The following PDE1C variants were observed in gnomAD, a reference collection of about 807,000 sequenced individuals.
PDE1C encodes the protein phosphodiesterase 1C, also known as dual specificity calcium/calmodulin-dependent 3',5'-cyclic nucleotide phosphodiesterase 1C.
Under a neutral mutation model 93.1 loss-of-function variants are expected in PDE1C, and 62 were observed. That is an observed-to-expected ratio of 0.67 (90% CI 0.54 to 0.82). The LOEUF (loss-of-function observed/expected upper bound fraction) is 0.82, where lower values mean the gene tolerates loss of function less well. Ranked by LOEUF, PDE1C falls within the 40% of genes least tolerant of loss-of-function variation. The pLI, the probability that PDE1C is intolerant of heterozygous loss-of-function variation, is 0.00. For missense variants in PDE1C, 742 were observed against 884.6 expected, an observed-to-expected ratio of 0.84 and a Z score of 2.04; for synonymous variants, 325 against 310.1, an observed-to-expected ratio of 1.05 and a Z score of -0.50.
At chr7:31,838,663 C>T (rs566443691) in intron 9 of PDE1C, among the ~76,000 whole-genome samples, 4 of 152,284 alleles carry the variant, frequency 2.6e-5, no homozygotes, top group Admixed American at 2.6e-4. Flanking sequence ...CTAAAATCCC[C>T]TGTGCTCCTT....
intron 2 of PDE1C, among the ~76,000 whole-genome samples, chr7:31,957,334 C>A (rs1044673039): frequency 6.6e-6 from 1 of 152,120 alleles, no homozygotes; most frequent in South Asian, 2.1e-4. Flanking sequence ...TAAACCCTTT[C>A]GCTGTAACCC....
chr7:32,273,839 A>G (rs563395155), intron 1 of PDE1C, among the ~76,000 whole-genome samples: 4 of 152,336 alleles, frequency 2.6e-5, no homozygotes, highest in African/African-American at 9.6e-5. Flanking sequence ...AAATTTAAAA[A>G]CACTGATGAT....
chr7:31,964,312 C>G (rs1308131677), intron 2 of PDE1C, among the ~76,000 whole-genome samples: 1 of 152,248 alleles, frequency 6.6e-6, no homozygotes, highest in Non-Finnish European at 1.5e-5. Flanking sequence ...AGATTATACC[C>G]CACACCTGGC....
the PDE1C span, among the ~76,000 whole-genome samples, chr7:31,710,031 A>G: frequency 6.6e-6 from 1 of 152,108 alleles, no homozygotes; most frequent in Non-Finnish European, 1.5e-5. Context: ...GCACTGTGGT[A>G]TCGGCTACTC....
At chr7:31,693,178 T>C in the PDE1C span, among the ~76,000 whole-genome samples, 3 of 152,184 alleles carry the variant, frequency 2.0e-5, no homozygotes, top group Non-Finnish European at 2.9e-5. Context: ...AGATATTTTA[T>C]GTTCAAGATT....
chr7:32,411,322 T>C (rs1785165110), intron 1 of PDE1C, among the ~76,000 whole-genome samples: 1 of 152,212 alleles, frequency 6.6e-6, no homozygotes, highest in Non-Finnish European at 1.5e-5. Context: ...TAGAGTGCAC[T>C]TGCACAAACC....
At chr7:32,000,650 G>C (rs1041561570) in intron 2 of PDE1C, among the ~76,000 whole-genome samples, 1 of 152,022 alleles carries the variant, frequency 6.6e-6, no homozygotes, top group African/African-American at 2.4e-5. Flanking sequence ...TCATGGGGCA[G>C]GTGCCCAAGA....
chr7:31,718,919 T>C, the PDE1C span, among the ~76,000 whole-genome samples: 2 of 152,132 alleles, frequency 1.3e-5, no homozygotes, highest in African/African-American at 4.8e-5. Flanking sequence ...GGTTGTCTCC[T>C]CCTGCATTCT....
At chr7:32,040,624 C>T (rs975475708) in intron 2 of PDE1C, among the ~76,000 whole-genome samples, 1 of 152,154 alleles carries the variant, frequency 6.6e-6, no homozygotes, top group Non-Finnish European at 1.5e-5. Context: ...TGTATACTCT[C>T]AATCAATGAA....
At chr7:31,659,268 T>C in the PDE1C span, among the ~76,000 whole-genome samples, 1 of 152,234 alleles carries the variant, frequency 6.6e-6, no homozygotes, top group Admixed American at 6.5e-5. Flanking sequence ...ATGAATAAAA[T>C]AAATAATTTA....
chr7:32,071,552 T>G, upstream of PDE1C: 6 of 343,456 alleles, frequency 1.7e-5, no homozygotes, highest in Non-Finnish European at 2.0e-5. Flanking sequence ...AATATACCAA[T>G]AGTGAGGAGG....
the PDE1C span, chr7:31,707,165 T>C: frequency 1.3e-6 from 2 of 1,577,746 alleles, no homozygotes; most frequent in East Asian, 2.2e-5. Flanking sequence ...ATGTTTTAAT[T>C]AGAGGTACTT....
chr7:31,843,508 G>A (rs986905065), intron 9 of PDE1C, among the ~76,000 whole-genome samples: 2 of 151,622 alleles, frequency 1.3e-5, no homozygotes, highest in African/African-American at 4.8e-5. Flanking sequence ...TAACACCACT[G>A]CATTCTACTT....
At chr7:32,299,315 C>T (rs1381037116) in exon 1 of PDE1C, 1 of 985,718 alleles carries the variant, frequency 1.0e-6, no homozygotes, top group Non-Finnish European at 1.2e-6. Flanking sequence ...GAAGTTTACT[C>T]CAAACAAGGA....
intron 3 of PDE1C, among the ~76,000 whole-genome samples, chr7:32,088,018 A>T (rs1485952245): frequency 2.8e-5 from 4 of 142,580 alleles, no homozygotes; most frequent in African/African-American, 1.0e-4. Flanking sequence ...AAAATAAAAA[A>T]ATAAAAAATA....
chr7:32,280,180 T>C (rs1022031490), intron 1 of PDE1C, among the ~76,000 whole-genome samples: 1 of 152,194 alleles, frequency 6.6e-6, no homozygotes, highest in Admixed American at 6.5e-5. Flanking sequence ...ACACACAAGA[T>C]ATTGTAAATT....
intron 3 of PDE1C, among the ~76,000 whole-genome samples, chr7:32,141,528 T>C (rs1208282718): frequency 1.3e-5 from 2 of 152,170 alleles, no homozygotes; most frequent in African/African-American, 4.8e-5. Flanking sequence ...CCTAAGATCA[T>C]AAAACCCTAA....
the PDE1C span, among the ~76,000 whole-genome samples, chr7:31,702,003 T>C: frequency 6.6e-6 from 1 of 152,222 alleles, no homozygotes; most frequent in Non-Finnish European, 1.5e-5. Context: ...CTCTGAGTTA[T>C]GCCTGTAATA....
At chr7:32,079,637 G>A (rs1340863689) in intron 3 of PDE1C, among the ~76,000 whole-genome samples, 1 of 152,180 alleles carries the variant, frequency 6.6e-6, no homozygotes, top group African/African-American at 2.4e-5. Context: ...GGGACAGCTG[G>A]AAGGCTGAGA....
Sources: allele counts gnomAD v4.1 joint callset (sites outside exome capture counted in the v4.1 genomes callset), GRCh38; gene constraint gnomAD v4.1.1; transcripts MANE v1.5; gene names NCBI Gene and HGNC (gene_info 2026-07-23, HGNC 2026-07-21).